Variants in SDK2 observed in about 807,000 individuals in gnomAD.
SDK2 encodes sidekick cell adhesion molecule 2.
In SDK2, 105 loss-of-function variants were observed where a neutral mutation model predicts 253.9. The observed-to-expected ratio is 0.41, with a 90% confidence interval of 0.35 to 0.49. SDK2 has a LOEUF of 0.49. SDK2 is among the 20% of genes least tolerant of loss of function. The pLI is 0.06. For synonymous variants in SDK2, 1,249 were observed against 1,234.9 expected, an observed-to-expected ratio of 1.01 and a Z score of -0.24; for missense variants, 2,608 against 3,003.0, an observed-to-expected ratio of 0.87 and a Z score of 3.07.
intron 4 of SDK2, among the ~76,000 whole-genome samples, chr17:73,454,857 C>A (rs569021986): frequency 6.6e-6 from 1 of 152,234 alleles, no homozygotes; most frequent in Admixed American, 6.5e-5. Flanking sequence ...GCACCTGCCA[C>A]CATGCCCAGC....
chr17:73,444,588 T>A (rs1329547923), intron 5 of SDK2, among the ~76,000 whole-genome samples: 1 of 152,228 alleles, frequency 6.6e-6, no homozygotes, highest in African/African-American at 2.4e-5. Context: ...CCATCCTCCC[T>A]GAATCACCTC....
chr17:73,623,945 G>GCACGGCAGACAGACCATTA (rs1412935337), intron 1 of SDK2, among the ~76,000 whole-genome samples: 1 of 152,212 alleles, frequency 6.6e-6, no homozygotes, highest in Non-Finnish European at 1.5e-5. Context: ...ATCAAAGACA[G>GCACGGCAGACAGACCATTA]CACGGCAGAC....
rs373774628 is a variant in SDK2, at chr17:73,408,046, C to CTTTTTTTTTTTTTTTTTTTT, written c.2485-5906_2485-5905insAAAAAAAAAAAAAAAAAAAA. ...ACACCATCTAGGAAGTAAAATATTT[C>CTTTTTTTTTTTTTTTTTTTT]CTTTTTTTTTTTTTTTTTCTTTTGA... On this transcript the variant is annotated intron_variant, in intron 18 of 44. Coordinates refer to ENST00000392650, the MANE Select transcript of SDK2 (RefSeq NM_001144952.2). Among the ~76,000 whole-genome samples the CTTTTTTTTTTTTTTTTTTTT allele has an allele frequency of 7.9e-5, 4 of 50,950 alleles. 2 individuals carry two copies. Among genetic ancestry groups the CTTTTTTTTTTTTTTTTTTTT allele is most frequent in the Non-Finnish European group, 8.2e-5 (2 of 24,352 alleles). The allele number at this position is 50,950 out of a possible 152,430, so 33.4% of individuals were successfully genotyped here.
In SDK2 at chr17:73,387,909, C is replaced by T. The variant is rs756845155; in HGVS notation, c.4321G>A (p.Glu1441Lys). 3 of 1,591,388 alleles carry T rather than the reference C, an allele frequency of 1.9e-6. No individual in the cohort carries two copies. Among genetic ancestry groups the T allele is most frequent in the Admixed American group, 1.8e-5 (1 of 56,718 alleles). ...PVRYYTIQTRELPSGRWALHS... is the reference protein window; with the variant it reads ...PVRYYTIQTRKLPSGRWALHS... Reference sequence around the variant, plus strand: ...AGTGCCCACCTGCCGCTGGGCAGCTCGCGGGTCTGGATGGTGTAGTAGCGC... The same window carrying T: ...AGTGCCCACCTGCCGCTGGGCAGCTTGCGGGTCTGGATGGTGTAGTAGCGC... Residue 1441 changes from glutamate (E) to lysine (K), a missense_variant, in exon 30 of 45, where the codon GAG (glutamate) becomes AAG (lysine). Physicochemically the swap from Glu to Lys is moderately conservative, Grantham distance 56 (BLOSUM62 1). Around this residue, in one of 2 missense-constraint regions of SDK2, gnomAD observed 1,103 missense variants for 1,143.9 expected, o/e 0.96. Coordinates refer to ENST00000392650, the MANE Select transcript of SDK2 (RefSeq NM_001144952.2).
intron 11 of SDK2, 53 bp from the exon 12 acceptor site, chr17:73,430,666 G>T: frequency 8.0e-7 from 1 of 1,256,264 alleles, no homozygotes; most frequent in Non-Finnish European, 1.1e-6. Flanking sequence ...GGGCTGTGTG[G>T]CTGGACTCTG....
rs2064195855 is a variant in SDK2 at position 73,534,234 on chromosome 17, G to A, written c.65-26637C>T. 1.3e-5 allele frequency among the ~76,000 whole-genome samples: 2 copies of A among 152,218 alleles called. No individual in the cohort carries two copies. Among genetic ancestry groups the A allele is most frequent in the South Asian group, 4.1e-4 (2 of 4,830 alleles). ...ATCCTTGCTGAAGGAATGAATGCATGTGTAATGAACGAATGAGGATCAAAA... is the reference window on the plus strand; with the variant it reads ...ATCCTTGCTGAAGGAATGAATGCATATGTAATGAACGAATGAGGATCAAAA... On this transcript the variant is annotated intron_variant, in intron 1 of 44. Coordinates refer to ENST00000392650, the MANE Select transcript of SDK2 (RefSeq NM_001144952.2). The surrounding 1 kb of genome is among the most constrained non-coding windows in gnomAD (Gnocchi z 4.9).
chr17:73,470,867 TCTC>T (rs1187058386), intron 3 of SDK2, among the ~76,000 whole-genome samples: 1 of 152,152 alleles, frequency 6.6e-6, no homozygotes, highest in African/African-American at 2.4e-5. Flanking sequence ...ACGTGGGACT[TCTC>T]CTCCTAGGAA....
chr17:73,456,936 G>A (rs764644640), intron 3 of SDK2, among the ~76,000 whole-genome samples: 1 of 152,196 alleles, frequency 6.6e-6, no homozygotes, highest in Non-Finnish European at 1.5e-5. Flanking sequence ...TTTGATTGTG[G>A]CCCATGGGCA....
At chr17:73,471,284 T>G (rs2063648924) in intron 3 of SDK2, among the ~76,000 whole-genome samples, 1 of 152,114 alleles carries the variant, frequency 6.6e-6, no homozygotes, top group African/African-American at 2.4e-5. Flanking sequence ...ACTCCAGGGT[T>G]GAGCGAGTTG....
In SDK2 at chr17:73,435,084, TC is replaced by T. The variant is rs2063356719; in HGVS notation, c.1195+365del. 6.6e-6 allele frequency among the ~76,000 whole-genome samples: 1 copy of T among 152,026 alleles called. No homozygotes were observed. Among genetic ancestry groups the T allele is most frequent in the Non-Finnish European group, 1.5e-5 (1 of 67,996 alleles). On this transcript the variant is annotated intron_variant, in intron 9 of 44. Transcript: ENST00000392650. This position sits in a 1 kb window ranked among gnomAD's most constrained non-coding sequence, Gnocchi z 5.7. ...TTTCTTCTTTGGAAACATGAGCAGG[TC>T]TTCTGGAATGGGGTTACTCCAGCCC...
intron 4 of SDK2, among the ~76,000 whole-genome samples, chr17:73,449,931 AAAAC>A (rs562995675): frequency 2.1e-4 from 32 of 152,310 alleles, no homozygotes; most frequent in Middle Eastern, 3.4e-3. Context: ...TCAAAAAAAC[AAAAC>A]AAACAAACAA....
chr17:73,401,298 G>A (rs538750806), intron 20 of SDK2, 87 bp from the exon 21 acceptor site: 1 of 1,255,230 alleles, frequency 8.0e-7, no homozygotes, highest in East Asian at 2.6e-5. Flanking sequence ...TCTCCACTAG[G>A]CTGGCAATTA....
intron 33 of SDK2, among the ~76,000 whole-genome samples, chr17:73,381,906 A>T (rs945387927): frequency 1.4e-5 from 2 of 147,980 alleles, no homozygotes; most frequent in Non-Finnish European, 3.0e-5. Context: ...AAAACAAAAA[A>T]CAAAAAAACA....
Position 73,545,099 on chromosome 17 carries a change from G to A in SDK2, c.65-37502C>T, listed in dbSNP as rs201650681. 2.9e-3 allele frequency among the ~76,000 whole-genome samples: 417 copies of A among 145,810 alleles called. 4 individuals are homozygous for A. Among genetic ancestry groups the A allele is most frequent in the African/African-American group, 1.0e-2 (389 of 39,010 alleles). On this transcript the variant is annotated intron_variant, in intron 1 of 44. Coordinates refer to ENST00000392650, the MANE Select transcript of SDK2 (RefSeq NM_001144952.2). ...GCATTCTCATTGCGTGCACGTGCAC[G>A]CACACACACACACACACACACACAC...
At chr17:73,638,872 C>G (rs1014993289) in intron 1 of SDK2, among the ~76,000 whole-genome samples, 3 of 149,090 alleles carry the variant, frequency 2.0e-5, no homozygotes. Context: ...TACAGTGGCA[C>G]GATCTCAGCT....
At chr17:73,355,172 A>ATTTTTTTTT (rs1450719562) in intron 40 of SDK2, among the ~76,000 whole-genome samples, 1 of 23,340 alleles carries the variant, frequency 4.3e-5, no homozygotes, top group African/African-American at 2.6e-4. Flanking sequence ...ATATATATAT[A>ATTTTTTTTT]TATTTTTTTT....
intron 1 of SDK2, 120 bp from the exon 2 acceptor site, chr17:73,507,717 G>T: frequency 9.1e-7 from 1 of 1,103,886 alleles, no homozygotes; most frequent in Non-Finnish European, 1.3e-6. Context: ...ATTTGCCCAA[G>T]GTCCCGTGGC....
intron 4 of SDK2, among the ~76,000 whole-genome samples, chr17:73,453,938 A>T (rs1452762191): frequency 6.6e-6 from 1 of 152,156 alleles, no homozygotes; most frequent in Non-Finnish European, 1.5e-5. Context: ...TTATAATGAA[A>T]CTACCTTATA....
chr17:73,361,635 G>A lies in SDK2; in HGVS notation c.5467+49C>T. ...ACACCGGGGGCCCCTTCTGACTGGGGACGCTGAACCGCCGTGTGGAAGACA... is the reference window on the plus strand; with the variant it reads ...ACACCGGGGGCCCCTTCTGACTGGGAACGCTGAACCGCCGTGTGGAAGACA... On this transcript the variant is annotated intron_variant, in intron 39 of 44. Coordinates refer to ENST00000392650, the MANE Select transcript of SDK2 (RefSeq NM_001144952.2). The surrounding 1 kb of genome is among the most constrained non-coding windows in gnomAD (Gnocchi z 4.1). 1 of 1,579,600 alleles carries A rather than the reference G, an allele frequency of 6.3e-7. No individual in the cohort carries two copies. Among genetic ancestry groups the A allele is most frequent in the Non-Finnish European group, 8.7e-7 (1 of 1,153,820 alleles).
Sources: gnomAD v4.1 joint callset for allele counts (sites outside exome capture counted in the v4.1 genomes callset) on GRCh38, gnomAD v4.1.1 for gene constraint, gnomAD v4.1.1 regional missense constraint, Gnocchi (gnomAD v3.1) non-coding constraint, MANE v1.5 for transcripts, NCBI Gene and HGNC (gene_info 2026-07-23, HGNC 2026-07-21) for gene names.